The following MYO3A variants were observed in gnomAD, a reference collection of about 807,000 sequenced individuals.
MYO3A encodes the protein myosin-IIIa.
Under a neutral mutation model 192.7 loss-of-function variants are expected in MYO3A, and 180 were observed. The observed-to-expected ratio is 0.93, with a 90% CI of 0.83 to 1.06. MYO3A has a LOEUF of 1.06. Ranked by LOEUF, MYO3A falls within the 50% of genes least tolerant of loss-of-function variation. The pLI is 0.00. For missense variants in MYO3A, 1,896 were observed against 1,905.0 expected, an observed-to-expected ratio of 1.00 and a Z score of 0.09; for synonymous variants, 628 against 645.3, an observed-to-expected ratio of 0.97 and a Z score of 0.41.
In MYO3A at chr10:25,969,629, C is replaced by T. The variant is rs572540278; in HGVS notation, c.303+14621C>T. Reference sequence around the variant, plus strand: ...AAAATGGAATACTAGAAATATTCAACCCAAAGAAAGTAGGAAAATAGGAAA... The same window carrying T: ...AAAATGGAATACTAGAAATATTCAATCCAAAGAAAGTAGGAAAATAGGAAA... On this transcript the variant is annotated intron_variant, in intron 4 of 34. Coordinates refer to ENST00000642920, the MANE Select transcript of MYO3A (RefSeq NM_017433.5). Among the ~76,000 whole-genome samples the T allele has an allele frequency of 2.0e-5, 3 of 151,942 alleles. No individual in the cohort carries two copies. In the East Asian group the frequency reaches 5.8e-4, roughly 29 times the overall value.
chr10:26,212,217 C>G lies in MYO3A; in HGVS notation c.*254C>G, dbSNP rs1483838457. The G allele has an allele frequency of 1.9e-6, 1 of 530,416 alleles. No individual in the cohort carries two copies. The highest frequency in any genetic ancestry group is 3.2e-5 in the Admixed American group (1 of 31,482). The allele number at this position is 530,416 out of a possible 1,614,324, so 32.9% of individuals were successfully genotyped here. A position where few individuals can be genotyped will look rare whatever the true frequency, so the allele number is the denominator to read the frequency against. On this transcript the variant is annotated 3_prime_UTR_variant, in exon 35 of 35. Transcript: ENST00000642920. ...CTCCCGCACCCTCCTTTCTCACCAG[C>G]CCGCCAGTTGTGGCAACCCTGTCCT... is the stretch of plus-strand genomic sequence containing the variant.
chr10:26,010,693 A>T (rs1486148788), intron 6 of MYO3A, among the ~76,000 whole-genome samples: 1 of 151,866 alleles, frequency 6.6e-6, no homozygotes, highest in South Asian at 2.1e-4. Context: ...CGAACTCCTG[A>T]CCTCGCGATC....
intron 31 of MYO3A, among the ~76,000 whole-genome samples, chr10:26,188,759 T>G (rs1054242611): frequency 1.3e-5 from 2 of 152,190 alleles, no homozygotes; most frequent in African/African-American, 4.8e-5. Context: ...TTCCCCCATT[T>G]CTTGTTTTTG....
At position 26,088,353 on chromosome 10, in the gene MYO3A, G is replaced by A; in HGVS notation, c.1510G>A (p.Ala504Thr). 6.2e-7 allele frequency: 1 copy of A among 1,613,974 alleles called. No homozygotes were observed. The highest frequency in any genetic ancestry group is 1.1e-5 in the South Asian group (1 of 91,084). ...CACCTCTTCTGGAGCGGTAGTGGGA[G>A]CACAGATTTCTGAATATCTCCTGGA... ...KFTSSGAVVG[A>T]QISEYLLEKS... The change falls in exon 15 of 35, where the codon GCA (alanine) becomes ACA (threonine). Residue 504 changes from alanine (A) to threonine (T), a missense_variant. Transcript: ENST00000642920.
chr10:26,131,196 G>C (rs1342540208), intron 20 of MYO3A, among the ~76,000 whole-genome samples: 2 of 152,094 alleles, frequency 1.3e-5, no homozygotes, highest in African/African-American at 4.8e-5. Context: ...ATAACAGTCT[G>C]CTGAAAGCAT....
intron 14 of MYO3A, among the ~76,000 whole-genome samples, chr10:26,085,956 T>C (rs930155114): frequency 1.3e-5 from 2 of 152,228 alleles, no homozygotes; most frequent in African/African-American, 4.8e-5. Context: ...ACAGGATTTC[T>C]TCTGGCTGCT....
chr10:26,069,068 T>C (rs1258344199), intron 12 of MYO3A, among the ~76,000 whole-genome samples, 184 bp downstream of exon 12: 1 of 152,076 alleles, frequency 6.6e-6, no homozygotes, highest in Non-Finnish European at 1.5e-5. Flanking sequence ...CAGTTTGTGG[T>C]CTTGCTTTCT....
chr10:26,028,152 CAT>C (rs1842642712), intron 10 of MYO3A, among the ~76,000 whole-genome samples: 1 of 152,156 alleles, frequency 6.6e-6, no homozygotes, highest in Non-Finnish European at 1.5e-5. Flanking sequence ...TATGTTATCT[CAT>C]GTGATTTTAC....
rs201263014 is a variant in MYO3A, at chr10:26,174,011, T to A, written c.3747T>A (p.Asn1249Lys). 36 of 1,611,536 alleles carry A rather than the reference T, an allele frequency of 2.2e-5. No individual in the cohort carries two copies. The East Asian group carries it at 8.0e-4, about 36-fold the overall frequency. ...ATCAGAGGTACACAGAGGAGAGGAA[T>A]TGTGAAGAGTCAAAAGCAGCATATC... ...SYYQRYTEERNCEESKAAYLE... is the reference protein window; with the variant it reads ...SYYQRYTEERKCEESKAAYLE... The change falls in exon 30 of 35, where the codon AAT (asparagine) becomes AAA (lysine). Residue 1249 changes from asparagine (N) to lysine (K), a missense_variant. Physicochemically the swap from Asn to Lys is moderately conservative, Grantham distance 94. Transcript: ENST00000642920.
chr10:26,162,996 G>A lies in MYO3A; in HGVS notation c.3000-3071G>A, dbSNP rs567972061. On this transcript the variant is annotated intron_variant, in intron 26 of 34. Coordinates refer to ENST00000642920, the MANE Select transcript of MYO3A (RefSeq NM_017433.5). Reference sequence around the variant, plus strand: ...TGGGATGAAAGGGCGCGCAAGCGTAGTGAGTTACACATACGAAGGCATAGA... The same window carrying A: ...TGGGATGAAAGGGCGCGCAAGCGTAATGAGTTACACATACGAAGGCATAGA... 1.1e-4 allele frequency among the ~76,000 whole-genome samples: 17 copies of A among 152,372 alleles called. No individual in the cohort carries two copies. In the South Asian group the frequency reaches 3.5e-3, roughly 32 times the overall value.
chr10:26,068,635 T>A (rs1442370227), intron 11 of MYO3A, 133 bp from the exon 12 acceptor site: 6 of 573,618 alleles, frequency 1.0e-5, no homozygotes, highest in Non-Finnish European at 1.9e-5. Flanking sequence ...TACATGTTTT[T>A]TACTATCAGT....
intron 4 of MYO3A, among the ~76,000 whole-genome samples, chr10:25,971,220 C>A (rs1020766344): frequency 1.3e-5 from 2 of 152,040 alleles, no homozygotes; most frequent in Admixed American, 6.6e-5. Context: ...AATTTGAGTT[C>A]CTGCCTGGTG....
chr10:26,055,941 G>A (rs72791168), intron 10 of MYO3A, among the ~76,000 whole-genome samples: 24,743 of 152,114 alleles, frequency 0.16, 2,302 homozygotes, highest in Non-Finnish European at 0.21. Flanking sequence ...GGCTATCAAA[G>A]AAAAATTACA....
intron 10 of MYO3A, among the ~76,000 whole-genome samples, chr10:26,040,413 T>C (rs1843278722): frequency 1.3e-5 from 2 of 152,180 alleles, no homozygotes; most frequent in African/African-American, 4.8e-5. Context: ...AAGAACGATG[T>C]TAACATCACT....
chr10:25,985,312 G>A (rs1839585100), intron 4 of MYO3A, among the ~76,000 whole-genome samples: 2 of 150,268 alleles, frequency 1.3e-5, no homozygotes, highest in Non-Finnish European at 3.0e-5. Context: ...CAGAACTGGA[G>A]AAGCAAAAAC....
chr10:25,935,479 T>G (rs911166090), intron 1 of MYO3A, among the ~76,000 whole-genome samples: 11 of 152,232 alleles, frequency 7.2e-5, no homozygotes, highest in Non-Finnish European at 1.5e-4. Flanking sequence ...ATTAACTAAT[T>G]GTACAGGTGC....
intron 4 of MYO3A, among the ~76,000 whole-genome samples, chr10:25,981,246 A>T (rs75212793): frequency 0.043 from 6,575 of 152,268 alleles, 183 homozygotes; most frequent in Middle Eastern, 0.068. Flanking sequence ...GTGTACTGTT[A>T]TAATTTGACA....
intron 33 of MYO3A, among the ~76,000 whole-genome samples, chr10:26,201,689 CA>C (rs34428324): frequency 0.02 from 1,658 of 81,606 alleles, 15 homozygotes; most frequent in Non-Finnish European, 0.029. Context: ...GACTCCGTCT[CA>C]AAAAAAAAAA....
At chr10:25,975,082 A>G (rs1838890168) in intron 4 of MYO3A, among the ~76,000 whole-genome samples, 3 of 152,206 alleles carry the variant, frequency 2.0e-5, no homozygotes, top group Non-Finnish European at 2.9e-5. Flanking sequence ...TGAGTTGGCT[A>G]AGTATACATA....
Sources: gnomAD v4.1 joint callset for allele counts (sites outside exome capture counted in the v4.1 genomes callset) on GRCh38, gnomAD v4.1.1 for gene constraint, MANE v1.5 for transcripts, NCBI Gene and HGNC (gene_info 2026-07-23, HGNC 2026-07-21) for gene names.